Variants in DCAF16 observed in about 807,000 individuals in gnomAD.
The protein encoded by DCAF16 is DDB1- and CUL4-associated factor 16.
Under a neutral mutation model 17.3 loss-of-function variants are expected in DCAF16, and 10 were observed. The observed-to-expected ratio is 0.58, with a 90% CI of 0.36 to 0.98. The LOEUF is 0.98. Ranked by LOEUF, DCAF16 falls within the 50% of genes least tolerant of loss-of-function variation. The pLI is 0.01. For missense variants in DCAF16, 249 were observed against 247.6 expected (o/e 1.01, Z -0.04); for synonymous variants, 111 against 92.8 (o/e 1.20, Z -1.12).
intron 1 of DCAF16, among the ~76,000 whole-genome samples, chr4:17,808,983 C>T (rs948079487): frequency 1.4e-4 from 22 of 152,114 alleles, no homozygotes; most frequent in Admixed American, 1.4e-3. Flanking sequence ...GAGCCGAGAT[C>T]GCGCCATTGC....
chr4:17,797,414 C>T (rs576640949), downstream of DCAF16, among the ~76,000 whole-genome samples: 3 of 152,152 alleles, frequency 2.0e-5, no homozygotes, highest in Non-Finnish European at 4.4e-5. Context: ...TTTAAAGAAA[C>T]GTGTCCCAAG....
chr4:17,795,912 G>A (rs892465882), downstream of DCAF16, among the ~76,000 whole-genome samples: 12 of 152,126 alleles, frequency 7.9e-5, no homozygotes, highest in Non-Finnish European at 1.8e-4. Flanking sequence ...TGTCTTTTTC[G>A]GTCAGGTGAG....
chr4:17,810,154 G>C (rs1005063623), intron 1 of DCAF16, among the ~76,000 whole-genome samples: 1 of 152,112 alleles, frequency 6.6e-6, no homozygotes, highest in Non-Finnish European at 1.5e-5. Context: ...CAGAAGTTCT[G>C]TCTGATATAA....
rs373219533 is a variant in DCAF16, at chr4:17,803,747, C to G, written c.395G>C (p.Ser132Thr). Residue 132 changes from serine (S) to threonine (T), a missense_variant, in exon 3 of 3, where the codon AGC becomes ACC. Ser to Thr is a moderately conservative substitution (Grantham distance 58, BLOSUM62 1). Transcript: ENST00000382247. The part of the protein sequence containing the change: ...PPFQKPLTSP[S>T]RLSRDHATLN... Reference sequence around the variant, plus strand: ...AGTGGCATGATCTCTAGAGAGCCGGCTGGGACTTGTAAGAGGCTTTTGAAA... The same window carrying G: ...AGTGGCATGATCTCTAGAGAGCCGGGTGGGACTTGTAAGAGGCTTTTGAAA... The G allele has an allele frequency of 6.2e-7, 1 of 1,614,012 alleles. No homozygotes were observed. Among genetic ancestry groups the G allele is most frequent in the African/African-American group, 1.3e-5 (1 of 74,892 alleles).
the DCAF16 span, among the ~76,000 whole-genome samples, chr4:17,793,815 T>G: frequency 6.6e-6 from 1 of 152,222 alleles, no homozygotes; most frequent in African/African-American, 2.4e-5. Context: ...ACACTTATGA[T>G]TAGTGCACTC....
At chr4:17,793,944 T>C in the DCAF16 span, among the ~76,000 whole-genome samples, 1 of 152,200 alleles carries the variant, frequency 6.6e-6, no homozygotes, top group East Asian at 1.9e-4. Context: ...TACATATCAC[T>C]TGCAAGTAAA....
In DCAF16 at chr4:17,803,170, G is replaced by A. The variant is rs1235645006; in HGVS notation, c.*321C>T. The A allele has an allele frequency of 7.1e-6, 2 of 282,090 alleles. No individual in the cohort carries two copies. Among genetic ancestry groups the A allele is most frequent in the African/African-American group, 2.2e-5 (1 of 45,238 alleles). The allele number at this position is 282,090 out of a possible 1,614,324, so 17.5% of individuals were successfully genotyped here. ...CTCCCGAGTAGCAGGGATTACAGGCGTGCACTGCTGCGCCCGGCTAATTTT... is the reference window on the plus strand; with the variant it reads ...CTCCCGAGTAGCAGGGATTACAGGCATGCACTGCTGCGCCCGGCTAATTTT... On this transcript the variant is annotated 3_prime_UTR_variant, in exon 3 of 3. Transcript: ENST00000382247.
Position 17,803,625 on chromosome 4 carries a change from AT to A in DCAF16, c.516del (p.Cys173ValfsTer10). The A allele has an allele frequency of 2.5e-6, 4 of 1,614,252 alleles. No homozygotes were observed. Among genetic ancestry groups the A allele is most frequent in the African/African-American group, 1.3e-5 (1 of 75,064 alleles). ...IPEYLKQIPNSCVSGCCCGWL... is the reference protein window; with the variant it reads ...IPEYLKQIPNXCVSGCCCGWL... The stretch of plus-strand genomic sequence containing the variant: ...CAGCCACAGCAACACCCAGAAACAC[AT>A]GAATTAGGGATCTGTTTTAGGTATT... On this transcript the variant is annotated frameshift_variant, in exon 3 of 3. Transcript: ENST00000382247. LOFTEE classifies it high-confidence loss of function.
downstream of DCAF16, among the ~76,000 whole-genome samples, chr4:17,800,010 G>T (rs1719623181): frequency 1.3e-5 from 2 of 152,080 alleles, no homozygotes; most frequent in Non-Finnish European, 2.9e-5. Context: ...AGCTGGGCGT[G>T]GTGGCACATG....
intron 1 of DCAF16, among the ~76,000 whole-genome samples, chr4:17,809,251 G>A (rs1012995127): frequency 1.3e-5 from 2 of 152,144 alleles, no homozygotes; most frequent in African/African-American, 4.8e-5. Context: ...ATCCTACAGG[G>A]TTTGTGAGCA....
chr4:17,804,549 G>T lies in DCAF16; in HGVS notation c.-408C>A. Reference sequence around the variant, plus strand: ...CACTTTTTGTGCTGTTTTGCTGGCAGTGATATTATATCTACTTGACAATCA... The same window carrying T: ...CACTTTTTGTGCTGTTTTGCTGGCATTGATATTATATCTACTTGACAATCA... On this transcript the variant is annotated 5_prime_UTR_variant, in exon 3 of 3. In the 5' UTR this introduces an upstream ATG that the reference lacks. Coordinates refer to ENST00000382247, the MANE Select transcript of DCAF16 (RefSeq NM_017741.4). The T allele has an allele frequency of 5.1e-6, 1 of 197,244 alleles. No individual in the cohort carries two copies. 12.2% of individuals were successfully genotyped at this position (197,244 alleles called of 1,614,324 possible).
downstream of DCAF16, among the ~76,000 whole-genome samples, chr4:17,799,318 T>G (rs1221300767): frequency 6.6e-6 from 1 of 152,102 alleles, no homozygotes; most frequent in East Asian, 1.9e-4. Flanking sequence ...GATTAGGGTT[T>G]AGGTTTATTT....
In DCAF16 at chr4:17,810,581, C is replaced by A; in HGVS notation, c.-884G>T. 6.6e-6 allele frequency: 1 copy of A among 152,470 alleles called. No individual in the cohort carries two copies. Among genetic ancestry groups the A allele is most frequent in the East Asian group, 1.9e-4 (1 of 5,198 alleles). 9.4% of individuals were successfully genotyped at this position (152,470 alleles called of 1,614,324 possible). On this transcript the variant is annotated 5_prime_UTR_variant, in exon 1 of 3. In the 5' UTR this introduces an upstream ATG that the reference lacks. Coordinates refer to ENST00000382247, the MANE Select transcript of DCAF16 (RefSeq NM_017741.4). Reference sequence around the variant, plus strand: ...AGCCCTCGTGTGGGGATCCCCCGCCCTTCGGCCACAAGGGAGGTTGTTATC... The same window carrying A: ...AGCCCTCGTGTGGGGATCCCCCGCCATTCGGCCACAAGGGAGGTTGTTATC...
At chr4:17,798,151 T>C (rs1358715500), downstream of DCAF16, among the ~76,000 whole-genome samples, 1 of 152,088 alleles carries the variant, frequency 6.6e-6, no homozygotes, top group African/African-American at 2.4e-5. Flanking sequence ...ATCCCAGGAA[T>C]TTTCATATCA....
chr4:17,804,491 A>G lies in DCAF16; in HGVS notation c.-350T>C, dbSNP rs1009306942. The G allele has an allele frequency of 7.4e-6, 2 of 271,476 alleles. No individual in the cohort carries two copies. The highest frequency in any genetic ancestry group is 1.5e-5 in the Non-Finnish European group (2 of 133,254). 16.8% of individuals were successfully genotyped at this position (271,476 alleles called of 1,614,324 possible). A position where few individuals can be genotyped will look rare whatever the true frequency, so the allele number is the denominator to read the frequency against. ...ATCTAGGCAAGCTGATTTACTTAGC[A>G]TAGTCCCAACTGGTAGTGATACTGT... On this transcript the variant is annotated 5_prime_UTR_variant, in exon 3 of 3. The change abolishes an upstream ATG in the 5' untranslated region. Transcript: ENST00000382247.
chr4:17,796,332 T>C (rs1719424997), downstream of DCAF16, among the ~76,000 whole-genome samples: 1 of 151,656 alleles, frequency 6.6e-6, no homozygotes. Flanking sequence ...ATCATAACTG[T>C]GCTACCTATC....
intron 1 of DCAF16, among the ~76,000 whole-genome samples, chr4:17,805,960 C>G (rs977465040): frequency 3.3e-5 from 5 of 152,174 alleles, no homozygotes; most frequent in Non-Finnish European, 7.4e-5. Flanking sequence ...GAATGAGACT[C>G]TTCTCTACAA....
downstream of DCAF16, among the ~76,000 whole-genome samples, chr4:17,797,684 C>G (rs1719491264): frequency 6.6e-6 from 1 of 152,208 alleles, no homozygotes; most frequent in Non-Finnish European, 1.5e-5. Flanking sequence ...GTCTATCAGG[C>G]CATTCTGGTT....
chr4:17,798,311 T>TA (rs1719524050), downstream of DCAF16, among the ~76,000 whole-genome samples: 1 of 75,768 alleles, frequency 1.3e-5, no homozygotes, highest in Admixed American at 1.2e-4. Flanking sequence ...GTTATTTTCC[T>TA]TTTTTTTTTT....
Sources: gnomAD v4.1 joint callset for allele counts (sites outside exome capture counted in the v4.1 genomes callset) on GRCh38, gnomAD v4.1.1 for gene constraint, MANE v1.5 for transcripts, NCBI Gene and HGNC (gene_info 2026-07-23, HGNC 2026-07-21) for gene names.